MTPAP: variants seen among roughly 807,000 people sequenced by gnomAD.
The protein encoded by MTPAP is poly(A) RNA polymerase, mitochondrial.
In MTPAP, 23 loss-of-function variants were observed where a neutral mutation model predicts 48.7. That is an observed-to-expected ratio of 0.47 (90% CI 0.34 to 0.67). MTPAP has a LOEUF of 0.67. Among genes scored for constraint, MTPAP ranks in the 30% least tolerant of loss-of-function variants. The pLI, the probability that MTPAP is intolerant of heterozygous loss-of-function variation, is 0.01. For synonymous variants in MTPAP, 257 were observed against 254.1 expected (o/e 1.01, Z -0.11); for missense variants, 614 against 694.3 (o/e 0.88, Z 1.30).
At chr10:30,338,401 C>T (rs1163997894) in intron 3 of MTPAP, among the ~76,000 whole-genome samples, 4 of 152,060 alleles carry the variant, frequency 2.6e-5, no homozygotes, top group Admixed American at 1.3e-4. Context: ...AGGCCGGGCT[C>T]GGTGGCTCAT....
At chr10:30,328,073 G>C (rs1834620532) in intron 4 of MTPAP, among the ~76,000 whole-genome samples, 1 of 151,988 alleles carries the variant, frequency 6.6e-6, no homozygotes, top group African/African-American at 2.4e-5. Flanking sequence ...AAAGAACAAA[G>C]CAAATAACAC....
intron 5 of MTPAP, among the ~76,000 whole-genome samples, chr10:30,324,491 C>T (rs1176774237): frequency 6.6e-6 from 1 of 151,834 alleles, no homozygotes; most frequent in Non-Finnish European, 1.5e-5. Context: ...GAGTTCGAGG[C>T]TACAGTGAGC....
At chr10:30,329,386 C>T (rs986255047) in intron 4 of MTPAP, among the ~76,000 whole-genome samples, 5 of 152,104 alleles carry the variant, frequency 3.3e-5, no homozygotes, top group African/African-American at 1.2e-4. Flanking sequence ...CACCACCACA[C>T]CTTGCTAATT....
intron 1 of MTPAP, among the ~76,000 whole-genome samples, chr10:30,347,752 G>C (rs867984718): frequency 6.6e-6 from 1 of 151,602 alleles, no homozygotes; most frequent in African/African-American, 2.4e-5. Flanking sequence ...TTAGCCAGGC[G>C]TGGTGCCACG....
intron 4 of MTPAP, among the ~76,000 whole-genome samples, 181 bp downstream of exon 4, chr10:30,336,622 A>G (rs2132863387): frequency 6.6e-6 from 1 of 152,380 alleles, no homozygotes; most frequent in South Asian, 2.1e-4. Context: ...AAATGATCAC[A>G]TAGTAGAACA....
intron 4 of MTPAP, among the ~76,000 whole-genome samples, chr10:30,332,749 C>T (rs978866271): frequency 2.0e-5 from 3 of 152,084 alleles, no homozygotes; most frequent in Non-Finnish European, 1.5e-5. Flanking sequence ...CTTTGGGAGG[C>T]TGAGGCAGGA....
chr10:30,335,968 C>A (rs566816811), intron 4 of MTPAP, among the ~76,000 whole-genome samples: 1 of 152,184 alleles, frequency 6.6e-6, no homozygotes, highest in South Asian at 2.1e-4. Flanking sequence ...CGAGATTGCA[C>A]CATTGCACTC....
intron 1 of MTPAP, among the ~76,000 whole-genome samples, chr10:30,342,485 C>A (rs1834822990): frequency 6.7e-6 from 1 of 150,140 alleles, no homozygotes. Flanking sequence ...TTAAAACTGC[C>A]CACTTTCTCT....
At chr10:30,320,200 T>C (rs1840705613) in intron 6 of MTPAP, among the ~76,000 whole-genome samples, 1 of 151,824 alleles carries the variant, frequency 6.6e-6, no homozygotes, top group Non-Finnish European at 1.5e-5. Flanking sequence ...GGAGGCAGAG[T>C]TGCAGTGAGC....
chr10:30,345,981 C>A (rs893079210), intron 1 of MTPAP, among the ~76,000 whole-genome samples: 3 of 149,884 alleles, frequency 2.0e-5, no homozygotes, highest in Non-Finnish European at 4.4e-5. Flanking sequence ...GCAGAGGTTG[C>A]ACTGAGCCGA....
rs190076002 is a variant in MTPAP at position 30,316,620 on chromosome 10, T to G, written c.1220-410A>C. ...TAAATAAATTTAAGGCCAGGCGCGG[T>G]GGCTCACACCTGTAATCCCAGAACT... On this transcript the variant is annotated intron_variant, in intron 6 of 8. Transcript: ENST00000263063. 3.5e-4 allele frequency among the ~76,000 whole-genome samples: 53 copies of G among 150,642 alleles called. No individual in the cohort carries two copies. The East Asian group carries it at 9.3e-3, about 26-fold the overall frequency.
intron 6 of MTPAP, among the ~76,000 whole-genome samples, chr10:30,320,577 AGAT>A (rs1840712502): frequency 6.6e-6 from 1 of 152,188 alleles, no homozygotes; most frequent in Non-Finnish European, 1.5e-5. Context: ...TTTTTAAAAA[AGAT>A]AATAGAAAGT....
rs1840572799 is a variant in MTPAP at position 30,310,069 on chromosome 10, T to A, written c.*3540A>T. 1 of 152,144 alleles carries A rather than the reference T, an allele frequency of 6.6e-6. No individual in the cohort carries two copies. 9.4% of individuals were successfully genotyped at this position (152,144 alleles called of 1,614,324 possible). A position where few individuals can be genotyped will look rare whatever the true frequency, so the allele number is the denominator to read the frequency against. ...CTCATTACAGGTGAAAGCTACTGAA[T>A]GAAAGCCTAGTAATAGTTATAGAAG... On this transcript the variant is annotated 3_prime_UTR_variant, in exon 9 of 9. Coordinates refer to ENST00000263063, the MANE Select transcript of MTPAP (RefSeq NM_018109.4).
chr10:30,348,708 A>C (rs903856270), intron 1 of MTPAP: 25 of 206,650 alleles, frequency 1.2e-4, no homozygotes, highest in Non-Finnish European at 2.1e-4. Context: ...ATCAGGCTAC[A>C]ATATAACTCG....
At position 30,336,377 on chromosome 10, in the gene MTPAP, C is replaced by T. The variant is rs141809999; in HGVS notation, c.780+426G>A. 3.9e-5 allele frequency among the ~76,000 whole-genome samples: 6 copies of T among 152,098 alleles called. No individual in the cohort carries two copies. The East Asian group carries it at 9.6e-4, about 24-fold the overall frequency. ...ATGATGATCGTATACCTATATGTAG[C>T]TAATATAGCCTTTGGATAAAACAAA... On this transcript the variant is annotated intron_variant, in intron 4 of 8. Transcript: ENST00000263063.
rs141299430 is a variant in MTPAP, at chr10:30,336,934, T to G, written c.649A>C (p.Met217Leu). Reference sequence around the variant, plus strand: ...CAGTCTGGAAAATACGCGGCGGCCATGTCTTCAATAAGAGAACAGGTGAGA... The same window carrying G: ...CAGTCTGGAAAATACGCGGCGGCCAGGTCTTCAATAAGAGAACAGGTGAGA... The part of the protein sequence containing the change: ...RYLTCSLIED[M>L]AAAYFPDCIV... Residue 217 changes from methionine to leucine, a missense_variant, in exon 4 of 9, where the codon ATG becomes CTG. Met to Leu is a conservative substitution (Grantham distance 15). This residue lies in a region of MTPAP where 261 missense variants were observed against 355.4 expected (regional missense o/e 0.73). Transcript: ENST00000263063. The G allele has an allele frequency of 6.2e-7, 1 of 1,613,552 alleles. No individual in the cohort carries two copies. Among genetic ancestry groups the G allele is most frequent in the South Asian group, 1.1e-5 (1 of 91,042 alleles).
intron 3 of MTPAP, among the ~76,000 whole-genome samples, chr10:30,338,589 C>T (rs915312993): frequency 1.4e-4 from 21 of 151,630 alleles, no homozygotes; most frequent in Non-Finnish European, 7.4e-5. Context: ...GCAGGAGAAT[C>T]GCTTGAACCT....
intron 3 of MTPAP, among the ~76,000 whole-genome samples, chr10:30,338,610 G>A (rs1277499748): frequency 6.7e-6 from 1 of 150,222 alleles, no homozygotes; most frequent in African/African-American, 2.4e-5. Flanking sequence ...GGGAGGCGGA[G>A]GTTGCAGTGA....
At chr10:30,324,912 G>C (rs1228262875) in intron 5 of MTPAP, among the ~76,000 whole-genome samples, 2 of 152,026 alleles carry the variant, frequency 1.3e-5, no homozygotes, top group Non-Finnish European at 1.5e-5. Flanking sequence ...ATTGAAGCCA[G>C]GAGGCGGAGG....
Sources: gnomAD v4.1 joint callset for allele counts (sites outside exome capture counted in the v4.1 genomes callset) on GRCh38, gnomAD v4.1.1 for gene constraint, gnomAD v4.1.1 regional missense constraint, MANE v1.5 for transcripts, NCBI Gene and HGNC (gene_info 2026-07-23, HGNC 2026-07-21) for gene names.